CABIN1: variants seen among roughly 807,000 people sequenced by gnomAD.
CABIN1 encodes calcineurin binding protein 1, also known as calcineurin-binding protein cabin-1.
In CABIN1, 133 loss-of-function variants were observed where a neutral mutation model predicts 227.7. The observed-to-expected ratio is 0.58, with a 90% CI of 0.51 to 0.67. CABIN1 has a LOEUF of 0.67. Ranked by LOEUF, CABIN1 falls within the 30% of genes least tolerant of loss-of-function variation. The pLI is 0.00. For missense variants in CABIN1, 2,408 were observed against 2,852.5 expected, an observed-to-expected ratio of 0.84 and a Z score of 3.55; for synonymous variants, 1,086 against 1,155.1, an observed-to-expected ratio of 0.94 and a Z score of 1.21.
chr22:24,170,356 A>G (rs537970383), intron 33 of CABIN1, among the ~76,000 whole-genome samples: 6 of 152,094 alleles, frequency 3.9e-5, no homozygotes, highest in Non-Finnish European at 7.4e-5. Context: ...CCTTGTTGCC[A>G]TGGCAGCCCT....
At chr22:24,175,578 G>T (rs1303114522) in intron 34 of CABIN1, among the ~76,000 whole-genome samples, 1 of 152,252 alleles carries the variant, frequency 6.6e-6, no homozygotes, top group Non-Finnish European at 1.5e-5. Flanking sequence ...CACAGCATTT[G>T]CCCCTCAGGC....
At chr22:24,076,086 A>G in intron 18 of CABIN1, 83 bp from the exon 19 acceptor site, 1 of 909,974 alleles carries the variant, frequency 1.1e-6, no homozygotes, top group South Asian at 1.4e-5. Flanking sequence ...AAAGCCCGAA[A>G]AGAGGAGACT....
chr22:24,145,567 T>C (rs2045058644), intron 29 of CABIN1, among the ~76,000 whole-genome samples: 1 of 152,236 alleles, frequency 6.6e-6, no homozygotes, highest in African/African-American at 2.4e-5. Flanking sequence ...GGAGGTGGGC[T>C]TGGGGGACCT....
chr22:24,139,997 G>A (rs746690381), intron 29 of CABIN1, among the ~76,000 whole-genome samples: 1 of 152,250 alleles, frequency 6.6e-6, no homozygotes, highest in Non-Finnish European at 1.5e-5. Flanking sequence ...TTCATAACGT[G>A]CTACAGGGCA....
At chr22:24,019,498 A>G (rs1601637558) in intron 1 of CABIN1, among the ~76,000 whole-genome samples, 2 of 146,808 alleles carry the variant, frequency 1.4e-5, no homozygotes, top group African/African-American at 5.1e-5. Flanking sequence ...CAAGCAATCC[A>G]CCCACCTCAG....
intron 29 of CABIN1, among the ~76,000 whole-genome samples, chr22:24,142,198 C>T (rs1045723341): frequency 8.5e-5 from 13 of 152,104 alleles, no homozygotes; most frequent in Admixed American, 2.0e-4. Context: ...CAGTGCCTCT[C>T]TCCTCAGAGA....
intron 18 of CABIN1, among the ~76,000 whole-genome samples, chr22:24,073,983 G>A (rs1209504659): frequency 1.3e-5 from 2 of 149,256 alleles, no homozygotes; most frequent in Non-Finnish European, 3.0e-5. Flanking sequence ...ATGCCGTGAT[G>A]AACACCTCAT....
At position 24,064,689 on chromosome 22, in the gene CABIN1, G is replaced by A. The variant is rs572478258; in HGVS notation, c.2037+502G>A. Among the ~76,000 whole-genome samples the A allele has an allele frequency of 2.5e-3, 379 of 151,818 alleles. 3 individuals carry two copies. The highest frequency in any genetic ancestry group is 8.8e-3 in the African/African-American group (364 of 41,358). On this transcript the variant is annotated intron_variant, in intron 15 of 36. Coordinates refer to ENST00000263119, the MANE Select transcript of CABIN1 (RefSeq NM_012295.4). ...CCTTCCGCAGTGTTTGTGTCCCTGG[G>A]TACTTGAGATTAGGGAGTGGTGATG... is the stretch of plus-strand genomic sequence containing the variant.
chr22:24,063,795 C>G (rs2039375039), intron 14 of CABIN1, among the ~76,000 whole-genome samples: 1 of 152,204 alleles, frequency 6.6e-6, no homozygotes. Context: ...GTGTTTTCAT[C>G]TGCAACATGG....
intron 26 of CABIN1, among the ~76,000 whole-genome samples, chr22:24,106,769 G>A (rs1447833127): frequency 6.6e-6 from 1 of 152,216 alleles, no homozygotes; most frequent in East Asian, 1.9e-4. Flanking sequence ...AATGGAGGCT[G>A]GGGCACTGTC....
At chr22:24,052,641 A>G (rs1299685811) in intron 8 of CABIN1, among the ~76,000 whole-genome samples, 1 of 151,856 alleles carries the variant, frequency 6.6e-6, no homozygotes, top group Non-Finnish European at 1.5e-5. Flanking sequence ...AATAAACAAA[A>G]TTAGCCAGAT....
At chr22:24,035,375 G>A in intron 1 of CABIN1, 69 bp from the exon 2 acceptor site, 1 of 1,040,588 alleles carries the variant, frequency 9.6e-7, no homozygotes, top group Non-Finnish European at 1.5e-6. Flanking sequence ...GGTTCCTGGT[G>A]GACCTTGGCA....
chr22:24,060,223 T>C, intron 12 of CABIN1, 82 bp downstream of exon 12: 1 of 1,327,948 alleles, frequency 7.5e-7, no homozygotes, highest in African/African-American at 1.4e-5. Context: ...GTGGGGCTGC[T>C]GTTGTGTTTG....
intron 19 of CABIN1, 124 bp downstream of exon 19, chr22:24,076,408 C>G (rs1254775888): frequency 2.7e-6 from 2 of 744,662 alleles, no homozygotes; most frequent in African/African-American, 3.4e-5. Context: ...TCAGTGGGCC[C>G]ACTGTGTGTC....
intron 28 of CABIN1, among the ~76,000 whole-genome samples, chr22:24,128,437 G>T (rs911024316): frequency 6.6e-6 from 1 of 152,236 alleles, no homozygotes; most frequent in Non-Finnish European, 1.5e-5. Flanking sequence ...CTAGCTATGG[G>T]GATATTCATG....
Position 24,171,741 on chromosome 22 carries a change from A to G in CABIN1, c.5786A>G (p.Lys1929Arg), listed in dbSNP as rs1263283971. The change falls in exon 34 of 37, where the codon AAG (lysine) becomes AGG (arginine). Residue 1929 changes from lysine (K) to arginine (R), a missense_variant. Lys to Arg is a conservative substitution (Grantham distance 26). Coordinates refer to ENST00000263119, the MANE Select transcript of CABIN1 (RefSeq NM_012295.4). Reference protein sequence around the residue: ...QASGDTPTTPKHPKDSRENFF... With the variant: ...QASGDTPTTPRHPKDSRENFF... ...TCGGGGGACACCCCCACCACTCCAA[A>G]GCACCCCAAAGACAGCCGAGAGAAC... 3 of 1,614,026 alleles carry G rather than the reference A, an allele frequency of 1.9e-6. No homozygotes were observed. In the African/African-American group the frequency reaches 4.0e-5, roughly 22 times the overall value.
At position 24,025,316 on chromosome 22, in the gene CABIN1, T is replaced by A. The variant is rs192914636; in HGVS notation, c.-74-10128T>A. ...AGCCAGTGACCTGACAACGATTTCC[T>A]TAAATGTCTGATTCAAAAGGGGGGA... is the stretch of plus-strand genomic sequence containing the variant. On this transcript the variant is annotated intron_variant, in intron 1 of 36. Coordinates refer to ENST00000263119, the MANE Select transcript of CABIN1 (RefSeq NM_012295.4). Among the ~76,000 whole-genome samples, 40 of 152,330 alleles carry A rather than the reference T, an allele frequency of 2.6e-4. 1 individual carries two copies. Among genetic ancestry groups the A allele is most frequent in the African/African-American group, 9.4e-4 (39 of 41,572 alleles).
chr22:24,148,542 CCT>C (rs1274873967), intron 29 of CABIN1, among the ~76,000 whole-genome samples: 2 of 152,218 alleles, frequency 1.3e-5, no homozygotes, highest in Admixed American at 6.5e-5. Context: ...TCTGATCTTC[CCT>C]GTTTGCCTGC....
chr22:24,082,529 T>G (rs2040876685), intron 19 of CABIN1, among the ~76,000 whole-genome samples: 1 of 152,260 alleles, frequency 6.6e-6, no homozygotes. Flanking sequence ...TGTGTTCAGC[T>G]GAGGATGTGG....
Sources: allele counts gnomAD v4.1 joint callset (sites outside exome capture counted in the v4.1 genomes callset), GRCh38; gene constraint gnomAD v4.1.1; transcripts MANE v1.5; gene names NCBI Gene and HGNC (gene_info 2026-07-23, HGNC 2026-07-21).